The following PODXL variants were observed in gnomAD, a reference collection of about 807,000 sequenced individuals.
PODXL encodes podocalyxin like.
In PODXL, 20 loss-of-function variants were observed where a neutral mutation model predicts 48.9. The ratio of observed to expected loss-of-function variants is 0.41; its 90% CI spans 0.29 to 0.59. The LOEUF is 0.59. PODXL is among the 20% of genes least tolerant of loss of function. The pLI is 0.31. For synonymous variants in PODXL, 295 were observed against 287.4 expected, an observed-to-expected ratio of 1.03 and a Z score of -0.27; for missense variants, 606 against 675.1, an observed-to-expected ratio of 0.90 and a Z score of 1.13.
At chr7:131,532,416 A>G (rs1338887307) in intron 1 of PODXL, among the ~76,000 whole-genome samples, 1 of 150,150 alleles carries the variant, frequency 6.7e-6, no homozygotes, top group Admixed American at 6.6e-5. Flanking sequence ...AGCCTGGGCG[A>G]CAAAGCAAGA....
chr7:131,517,767 G>C (rs1334048585), intron 1 of PODXL, among the ~76,000 whole-genome samples: 1 of 150,624 alleles, frequency 6.6e-6, no homozygotes, highest in Non-Finnish European at 1.5e-5. Context: ...TTTTGACACA[G>C]AGTCTCTGTC....
chr7:131,507,944 T>C (rs1373498178), intron 5 of PODXL, among the ~76,000 whole-genome samples: 1 of 152,224 alleles, frequency 6.6e-6, no homozygotes, highest in Admixed American at 6.5e-5. Context: ...ATTAAAGTGT[T>C]GTAAGCCCAA....
intron 1 of PODXL, among the ~76,000 whole-genome samples, chr7:131,535,228 G>A (rs930993087): frequency 3.3e-5 from 5 of 152,146 alleles, no homozygotes; most frequent in Non-Finnish European, 7.4e-5. Flanking sequence ...CTTCAGTGTC[G>A]GAGGATGAAC....
At chr7:131,514,016 A>T (rs1190191893) in intron 1 of PODXL, among the ~76,000 whole-genome samples, 2 of 152,254 alleles carry the variant, frequency 1.3e-5, no homozygotes, top group African/African-American at 2.4e-5. Context: ...AAGGATAAGC[A>T]GTCACATTAT....
At chr7:131,544,106 T>C (rs1308150498) in intron 1 of PODXL, among the ~76,000 whole-genome samples, 2 of 152,164 alleles carry the variant, frequency 1.3e-5, no homozygotes, top group Admixed American at 6.5e-5. Flanking sequence ...GTTGTGAGTG[T>C]CTGGACAGAG....
At chr7:131,524,840 AACC>A (rs1236924094) in intron 1 of PODXL, among the ~76,000 whole-genome samples, 1 of 152,232 alleles carries the variant, frequency 6.6e-6, no homozygotes, top group Non-Finnish European at 1.5e-5. Flanking sequence ...CAAAACTGAG[AACC>A]ACCAAGATAT....
chr7:131,524,046 G>A (rs1020269751), intron 1 of PODXL, among the ~76,000 whole-genome samples: 12 of 152,006 alleles, frequency 7.9e-5, no homozygotes, highest in African/African-American at 1.2e-4. Flanking sequence ...CAATCCACCC[G>A]CCTGGACCTT....
chr7:131,516,098 A>C (rs955852574), intron 1 of PODXL, among the ~76,000 whole-genome samples: 2 of 152,284 alleles, frequency 1.3e-5, no homozygotes, highest in African/African-American at 2.4e-5. Flanking sequence ...TATGCATAGC[A>C]TAGGTTTTGG....
intron 1 of PODXL, among the ~76,000 whole-genome samples, chr7:131,531,895 G>C (rs1055080519): frequency 1.3e-5 from 2 of 152,034 alleles, no homozygotes; most frequent in Non-Finnish European, 2.9e-5. Flanking sequence ...CGGATCACCT[G>C]AGGTTGGGAG....
At chr7:131,552,149 G>A (rs1798678230) in intron 1 of PODXL, among the ~76,000 whole-genome samples, 1 of 152,198 alleles carries the variant, frequency 6.6e-6, no homozygotes, top group Non-Finnish European at 1.5e-5. Context: ...CAGGGCTGAA[G>A]CCGGTTCCCC....
intron 1 of PODXL, among the ~76,000 whole-genome samples, chr7:131,519,588 G>A (rs1208355480): frequency 6.6e-6 from 1 of 151,258 alleles, no homozygotes; most frequent in African/African-American, 2.4e-5. Flanking sequence ...CTTTGGAGAG[G>A]TTGATCAAAA....
chr7:131,504,382 C>G lies in PODXL; in HGVS notation c.1606G>C (p.Asp536His). Residue 536 changes from aspartate to histidine, a missense_variant, in exon 9 of 9, where the codon GAC (aspartate) becomes CAC (histidine). Transcript: ENST00000378555. ...TTGTCCAGAGGGACGATCCAGCTGT[C>G]CCCCAGCTCCCCGTTGAGGCTGACC... Reference protein sequence around the residue: ...KVVSLNGELGDSWIVPLDNLT... With the variant: ...KVVSLNGELGHSWIVPLDNLT... 1 of 1,614,162 alleles carries G rather than the reference C, an allele frequency of 6.2e-7. No individual in the cohort carries two copies. The highest frequency in any genetic ancestry group is 8.5e-7 in the Non-Finnish European group (1 of 1,180,006).
chr7:131,544,589 G>C (rs898860590), intron 1 of PODXL, among the ~76,000 whole-genome samples: 2 of 151,994 alleles, frequency 1.3e-5, no homozygotes, highest in Non-Finnish European at 1.5e-5. Context: ...AGGGAGGCGT[G>C]GGCAGGAGTT....
At chr7:131,534,569 G>A (rs1798339388) in intron 1 of PODXL, among the ~76,000 whole-genome samples, 1 of 152,166 alleles carries the variant, frequency 6.6e-6, no homozygotes, top group Non-Finnish European at 1.5e-5. Flanking sequence ...GAGGGGGCTG[G>A]AGCTCAGACT....
At chr7:131,532,274 A>T (rs1798292892) in intron 1 of PODXL, among the ~76,000 whole-genome samples, 2 of 149,356 alleles carry the variant, frequency 1.3e-5, no homozygotes, top group South Asian at 4.2e-4. Context: ...TCTCTATTAA[A>T]AGTACAAAAA....
At chr7:131,536,854 G>C (rs7781498) in intron 1 of PODXL, among the ~76,000 whole-genome samples, 1 of 152,206 alleles carries the variant, frequency 6.6e-6, no homozygotes, top group African/African-American at 2.4e-5. Flanking sequence ...GCCAGGTGCA[G>C]TGGCTTACAC....
In PODXL at chr7:131,511,097, G is replaced by A. The variant is rs1797905285; in HGVS notation, c.437C>T (p.Thr146Ile). The A allele has an allele frequency of 1.2e-6, 2 of 1,614,062 alleles. No individual in the cohort carries two copies. Among genetic ancestry groups the A allele is most frequent in the Non-Finnish European group, 1.7e-6 (2 of 1,180,018 alleles). The change falls in exon 2 of 9, where the codon ACA becomes ATA. Residue 146 changes from threonine to isoleucine, a missense_variant. Coordinates refer to ENST00000378555, the MANE Select transcript of PODXL (RefSeq NM_001018111.3). ...TSTATAKPNT[T>I]SSQNGAEDTT... The stretch of plus-strand genomic sequence containing the variant: ...ATCTTCTGCTCCATTCTGGCTGCTT[G>A]TGGTGTTAGGTTTAGCTGTGGCTGT...
chr7:131,518,947 C>T (rs914152940), intron 1 of PODXL, among the ~76,000 whole-genome samples: 1 of 152,192 alleles, frequency 6.6e-6, no homozygotes, highest in Non-Finnish European at 1.5e-5. Flanking sequence ...TATCCTCACA[C>T]TCCAGACCTA....
At chr7:131,529,925 C>T (rs1163786650) in intron 1 of PODXL, among the ~76,000 whole-genome samples, 1 of 32,116 alleles carries the variant, frequency 3.1e-5, no homozygotes, top group African/African-American at 4.4e-5. Flanking sequence ...AGAGGGCTTG[C>T]GCTGGGCCTC....
Sources: allele counts gnomAD v4.1 joint callset (sites outside exome capture counted in the v4.1 genomes callset), GRCh38; gene constraint gnomAD v4.1.1; transcripts MANE v1.5; gene names NCBI Gene and HGNC (gene_info 2026-07-23, HGNC 2026-07-21).